The following ZNF385D variants were observed in gnomAD, a reference collection of about 807,000 sequenced individuals.
The protein encoded by ZNF385D is zinc finger protein 659.
ZNF385D carries 15 observed loss-of-function variants against 35.8 expected under a neutral mutation model. The observed-to-expected ratio is 0.42, with a 90% CI of 0.28 to 0.64. The LOEUF is 0.64. ZNF385D is among the 30% of genes least tolerant of loss of function. ZNF385D has a pLI of 0.23. For synonymous variants in ZNF385D, 212 were observed against 186.8 expected (o/e 1.13, Z -1.10); for missense variants, 474 against 494.6 (o/e 0.96, Z 0.39).
At chr3:21,626,306 T>A (rs1441822369) in intron 2 of ZNF385D, among the ~76,000 whole-genome samples, 1 of 152,100 alleles carries the variant, frequency 6.6e-6, no homozygotes, top group Non-Finnish European at 1.5e-5. Flanking sequence ...GATTGAGAGC[T>A]GCTACTGTGC....
At chr3:22,180,684 C>A (rs1026752358) in intron 2 of ZNF385D, among the ~76,000 whole-genome samples, 5 of 152,050 alleles carry the variant, frequency 3.3e-5, no homozygotes, top group African/African-American at 1.2e-4. Context: ...ATGACAAAAA[C>A]CACATGATTA....
intron 2 of ZNF385D, among the ~76,000 whole-genome samples, chr3:22,226,042 C>T (rs1698532662): frequency 6.6e-6 from 1 of 152,178 alleles, no homozygotes; most frequent in Admixed American, 6.5e-5. Context: ...ATGCACAGTA[C>T]TGTACCTTCA....
At chr3:22,008,346 CA>C (rs1279052347) in intron 3 of ZNF385D, among the ~76,000 whole-genome samples, 2 of 113,492 alleles carry the variant, frequency 1.8e-5, no homozygotes, top group Non-Finnish European at 3.7e-5. Flanking sequence ...CACTTTCATA[CA>C]GGCCATGATT....
rs113154622 is a variant in ZNF385D at position 22,307,589 on chromosome 3, A to G, written c.106+64861T>C. ...ACACATATGGTATTTTGGGAAAATC[A>G]TAACACAAATGGACTATGGTGGACT... is the stretch of plus-strand genomic sequence containing the variant. On this transcript the variant is annotated intron_variant, in intron 2 of 5. Transcript: ENST00000494108. Among the ~76,000 whole-genome samples, 1,409 of 152,274 alleles carry G rather than the reference A, an allele frequency of 9.3e-3. 23 individuals are homozygous for G. Among genetic ancestry groups the G allele is most frequent in the African/African-American group, 0.033 (1,353 of 41,564 alleles).
chr3:21,519,660 T>A (rs1326661215), intron 3 of ZNF385D, among the ~76,000 whole-genome samples: 1 of 152,218 alleles, frequency 6.6e-6, no homozygotes, highest in African/African-American at 2.4e-5. Context: ...ATTTGCTCAG[T>A]CCTTTTTGGA....
At chr3:22,066,366 G>A (rs1390372222) in intron 3 of ZNF385D, among the ~76,000 whole-genome samples, 1 of 150,156 alleles carries the variant, frequency 6.7e-6, no homozygotes, top group African/African-American at 2.5e-5. Flanking sequence ...GGTTCCCTGT[G>A]TGTGTGTGTG....
At chr3:21,920,557 G>C (rs531940101) in intron 3 of ZNF385D, among the ~76,000 whole-genome samples, 2 of 150,102 alleles carry the variant, frequency 1.3e-5, no homozygotes, top group African/African-American at 4.9e-5. Flanking sequence ...AGCCCTGAAA[G>C]TGACTGAGAT....
At chr3:21,621,835 A>C (rs558754434) in intron 2 of ZNF385D, among the ~76,000 whole-genome samples, 26 of 144,362 alleles carry the variant, frequency 1.8e-4, no homozygotes, top group Non-Finnish European at 3.3e-4. Flanking sequence ...TCTTGTATTA[A>C]TTTGAAGTGT....
At chr3:21,564,722 A>C in intron 2 of ZNF385D, 38 bp from the exon 3 acceptor site, 1 of 1,339,182 alleles carries the variant, frequency 7.5e-7, no homozygotes, top group Non-Finnish European at 1.0e-6. Context: ...AATAGAAATA[A>C]AGCTTGTCAG....
chr3:21,980,403 A>C (rs1233994091), intron 3 of ZNF385D, among the ~76,000 whole-genome samples: 1 of 152,306 alleles, frequency 6.6e-6, no homozygotes, highest in Non-Finnish European at 1.5e-5. Context: ...TTTATTACAT[A>C]AAAGTAGATA....
chr3:21,835,947 G>A (rs773473556), intron 3 of ZNF385D, among the ~76,000 whole-genome samples: 8 of 151,954 alleles, frequency 5.3e-5, no homozygotes, highest in African/African-American at 9.7e-5. Context: ...GCCTTAATAA[G>A]AACACCATTT....
chr3:21,978,598 C>G (rs1576066227), intron 3 of ZNF385D, among the ~76,000 whole-genome samples: 1 of 152,290 alleles, frequency 6.6e-6, no homozygotes, highest in South Asian at 2.1e-4. Context: ...TGTCTCCAGA[C>G]TAGGCCTGAT....
At chr3:22,145,750 C>T (rs1389478362) in intron 3 of ZNF385D, among the ~76,000 whole-genome samples, 2 of 152,060 alleles carry the variant, frequency 1.3e-5, no homozygotes, top group African/African-American at 4.8e-5. Context: ...TGTATTTATA[C>T]CAGGAAATGA....
intron 3 of ZNF385D, among the ~76,000 whole-genome samples, chr3:21,897,054 G>A (rs1277354563): frequency 2.0e-5 from 3 of 152,114 alleles, no homozygotes; most frequent in African/African-American, 4.8e-5. Context: ...TACTGCTGAC[G>A]TTATCACCCA....
chr3:22,058,770 G>T (rs995465373), intron 3 of ZNF385D, among the ~76,000 whole-genome samples: 1 of 152,262 alleles, frequency 6.6e-6, no homozygotes, highest in East Asian at 1.9e-4. Context: ...TTGGAAGCCA[G>T]TCTGAAATTT....
intron 3 of ZNF385D, among the ~76,000 whole-genome samples, chr3:21,922,003 A>G (rs1700487810): frequency 6.6e-6 from 1 of 152,204 alleles, no homozygotes; most frequent in Non-Finnish European, 1.5e-5. Flanking sequence ...TTATGAAGGC[A>G]CCATCACCAT....
chr3:22,085,748 T>C (rs954589406), intron 3 of ZNF385D, among the ~76,000 whole-genome samples: 3 of 151,848 alleles, frequency 2.0e-5, no homozygotes, highest in African/African-American at 7.3e-5. Context: ...AGAGACACAA[T>C]AAAAAAAGAA....
intron 3 of ZNF385D, among the ~76,000 whole-genome samples, chr3:22,083,340 T>A (rs1049118310): frequency 6.6e-6 from 1 of 151,820 alleles, no homozygotes; most frequent in African/African-American, 2.4e-5. Context: ...CCTGAAAAAA[T>A]AGTAGACCAA....
intron 2 of ZNF385D, among the ~76,000 whole-genome samples, chr3:22,207,336 T>G (rs888490425): frequency 6.6e-6 from 1 of 151,858 alleles, no homozygotes; most frequent in Non-Finnish European, 1.5e-5. Context: ...CATATTACAC[T>G]GGGAAAAGCA....
Sources: gnomAD v4.1 joint callset for allele counts (sites outside exome capture counted in the v4.1 genomes callset) on GRCh38, gnomAD v4.1.1 for gene constraint, MANE v1.5 for transcripts, NCBI Gene and HGNC (gene_info 2026-07-23, HGNC 2026-07-21) for gene names.